The following FBXL17 variants were observed in gnomAD, a reference collection of about 807,000 sequenced individuals.
FBXL17 encodes the protein F-box/LRR-repeat protein 17.
In FBXL17, 22 loss-of-function variants were observed where a neutral mutation model predicts 66.2. The observed-to-expected ratio is 0.33, with a 90% CI of 0.24 to 0.47. The LOEUF is 0.47. Among genes scored for constraint, FBXL17 ranks in the 20% least tolerant of loss-of-function variants. FBXL17 has a pLI of 1.00. For missense variants in FBXL17, 878 were observed against 948.2 expected (o/e 0.93, Z 0.97); for synonymous variants, 474 against 400.5 (o/e 1.18, Z -2.19).
At chr5:108,314,702 G>A (rs1759278155) in intron 4 of FBXL17, among the ~76,000 whole-genome samples, 1 of 151,310 alleles carries the variant, frequency 6.6e-6, no homozygotes, top group Non-Finnish European at 1.5e-5. Context: ...GAGTGATGAT[G>A]AATTTATTTC....
At chr5:108,314,228 T>C (rs1386213685) in intron 4 of FBXL17, among the ~76,000 whole-genome samples, 1 of 151,728 alleles carries the variant, frequency 6.6e-6, no homozygotes, top group Non-Finnish European at 1.5e-5. Flanking sequence ...CTGAATATAT[T>C]TTCTCTTGAA....
chr5:107,930,326 G>A (rs1199643632), intron 7 of FBXL17, among the ~76,000 whole-genome samples: 1 of 152,046 alleles, frequency 6.6e-6, no homozygotes, highest in Non-Finnish European at 1.5e-5. Flanking sequence ...GGCCTTTGTG[G>A]CCACTGTTCT....
intron 4 of FBXL17, among the ~76,000 whole-genome samples, chr5:108,345,733 T>C (rs924327500): frequency 3.9e-5 from 6 of 151,966 alleles, no homozygotes; most frequent in Non-Finnish European, 8.8e-5. Context: ...ATAAAAGCTA[T>C]GTCACAGAAA....
chr5:108,265,100 T>C (rs116838559), intron 4 of FBXL17, among the ~76,000 whole-genome samples: 1,707 of 152,212 alleles, frequency 0.011, 47 homozygotes, highest in African/African-American at 0.039. Flanking sequence ...CTTTAATCAA[T>C]GATTTATCTA....
intron 6 of FBXL17, among the ~76,000 whole-genome samples, chr5:108,077,881 A>G (rs1748616420): frequency 6.6e-6 from 1 of 152,190 alleles, no homozygotes; most frequent in Non-Finnish European, 1.5e-5. Context: ...CTTTTCTTAA[A>G]GCCCTGAAAA....
At chr5:108,289,138 C>T (rs1758012991) in intron 4 of FBXL17, among the ~76,000 whole-genome samples, 1 of 152,136 alleles carries the variant, frequency 6.6e-6, no homozygotes, top group Non-Finnish European at 1.5e-5. Flanking sequence ...GTGCAAAATA[C>T]AGATAACAAT....
intron 6 of FBXL17, among the ~76,000 whole-genome samples, chr5:108,022,194 T>C (rs1754630510): frequency 6.6e-6 from 1 of 151,824 alleles, no homozygotes; most frequent in South Asian, 2.1e-4. Flanking sequence ...TTATTTTTCT[T>C]CCCCTATTCA....
chr5:108,353,968 G>C (rs918002353), intron 3 of FBXL17, among the ~76,000 whole-genome samples: 1 of 152,082 alleles, frequency 6.6e-6, no homozygotes, highest in African/African-American at 2.4e-5. Context: ...TTTAATTGTT[G>C]GATTTTTTTC....
At chr5:107,879,508 T>G in intron 8 of FBXL17, 3 of 985,436 alleles carry the variant, frequency 3.0e-6, no homozygotes, top group Non-Finnish European at 3.6e-6. Context: ...TGGGCTGGGC[T>G]GAGAATATAT....
intron 4 of FBXL17, among the ~76,000 whole-genome samples, chr5:108,265,588 G>A (rs996871251): frequency 3.3e-5 from 5 of 152,034 alleles, no homozygotes; most frequent in Non-Finnish European, 5.9e-5. Flanking sequence ...ACCAACCATT[G>A]TTCTTAGGGC....
chr5:108,356,364 G>T (rs1196953641), intron 3 of FBXL17, among the ~76,000 whole-genome samples: 2 of 152,198 alleles, frequency 1.3e-5, no homozygotes, highest in East Asian at 3.9e-4. Context: ...TTATGCCCAT[G>T]CAAAAACCTA....
At chr5:108,074,671 C>T (rs966369013) in intron 6 of FBXL17, among the ~76,000 whole-genome samples, 10 of 152,186 alleles carry the variant, frequency 6.6e-5, no homozygotes, top group African/African-American at 2.4e-4. Flanking sequence ...TTCTGTCTTC[C>T]TGAGGAGTCT....
At chr5:108,107,222 C>T (rs1749834821) in intron 6 of FBXL17, among the ~76,000 whole-genome samples, 1 of 152,050 alleles carries the variant, frequency 6.6e-6, no homozygotes, top group African/African-American at 2.4e-5. Context: ...CAGGCATGTG[C>T]CACCACGCCT....
Position 108,182,258 on chromosome 5 carries a change from T to C in FBXL17, c.1745+3859A>G, listed in dbSNP as rs560035587. On this transcript the variant is annotated intron_variant, in intron 6 of 8. Coordinates refer to ENST00000542267, the MANE Select transcript of FBXL17 (RefSeq NM_001163315.3). ...ATGAACGAATGTAAAACAGAATTAA[T>C]TGATAGGCTAAACGCATTAGTGCAT... 1.5e-3 allele frequency among the ~76,000 whole-genome samples: 229 copies of C among 152,290 alleles called. 1 individual carries two copies. The highest frequency in any genetic ancestry group is 2.5e-3 in the Non-Finnish European group (172 of 68,022).
chr5:108,380,072 T>C (rs1050650925), intron 1 of FBXL17, among the ~76,000 whole-genome samples: 4 of 152,196 alleles, frequency 2.6e-5, no homozygotes, highest in Non-Finnish European at 5.9e-5. Flanking sequence ...CAAGCCCCAC[T>C]AGACTGTCAG....
chr5:108,381,255 A>C lies in FBXL17; in HGVS notation c.437T>G (p.Leu146Arg). The change falls in exon 1 of 9, where the codon CTG (leucine) becomes CGG (arginine). Residue 146 changes from leucine to arginine, a missense_variant. Coordinates refer to ENST00000542267, the MANE Select transcript of FBXL17 (RefSeq NM_001163315.3). ...CTGCTCCCAGGCGGCGGCCGCAGCC[A>C]GCCCCAACTCTTTGCAGCAGGAGGC... ...SPASCCKELGLAAAAAWEQQG... is the reference protein window; with the variant it reads ...SPASCCKELGRAAAAAWEQQG... The C allele has an allele frequency of 6.9e-7, 1 of 1,443,660 alleles. No homozygotes were observed. Among genetic ancestry groups the C allele is most frequent in the Non-Finnish European group, 9.1e-7 (1 of 1,101,018 alleles). 89.4% of individuals were successfully genotyped at this position (1,443,660 alleles called of 1,614,324 possible).
At chr5:108,054,189 T>A (rs1245316931) in intron 6 of FBXL17, among the ~76,000 whole-genome samples, 1 of 151,300 alleles carries the variant, frequency 6.6e-6, no homozygotes, top group African/African-American at 2.4e-5. Flanking sequence ...TGTGTACCTG[T>A]GTAACAAACC....
At chr5:108,190,503 C>T (rs1486478831) in intron 5 of FBXL17, among the ~76,000 whole-genome samples, 1 of 152,216 alleles carries the variant, frequency 6.6e-6, no homozygotes, top group African/African-American at 2.4e-5. Flanking sequence ...TATGAAAATA[C>T]TTGCACAGCT....
chr5:108,375,704 G>T (rs1749377173), intron 1 of FBXL17, among the ~76,000 whole-genome samples: 1 of 152,150 alleles, frequency 6.6e-6, no homozygotes, highest in African/African-American at 2.4e-5. Flanking sequence ...GCTTCAATAA[G>T]AATGAACACC....
Sources: allele counts gnomAD v4.1 joint callset (sites outside exome capture counted in the v4.1 genomes callset), GRCh38; gene constraint gnomAD v4.1.1; transcripts MANE v1.5; gene names NCBI Gene and HGNC (gene_info 2026-07-23, HGNC 2026-07-21).